SLC25A21: variants seen among roughly 807,000 people sequenced by gnomAD.
SLC25A21 encodes mitochondrial 2-oxodicarboxylate carrier.
A neutral mutation model predicts 43.8 loss-of-function variants in SLC25A21; 47 were observed. The ratio of observed to expected loss-of-function variants is 1.07; its 90% CI spans 0.85 to 1.37. The LOEUF (loss-of-function observed/expected upper bound fraction) is 1.37, where lower values mean the gene tolerates loss of function less well. Among genes scored for constraint, SLC25A21 ranks in the 40% most tolerant of loss-of-function variants. The probability of loss-of-function intolerance (pLI) is 0.00; values close to 1 mark genes in which losing one functional copy is unlikely to be tolerated. For synonymous variants in SLC25A21, 131 were observed against 121.3 expected, an observed-to-expected ratio of 1.08 and a Z score of -0.52; for missense variants, 352 against 350.2, an observed-to-expected ratio of 1.00 and a Z score of -0.04.
At chr14:37,040,361 GA>G (rs1961432945) in intron 1 of SLC25A21, among the ~76,000 whole-genome samples, 1 of 36,998 alleles carries the variant, frequency 2.7e-5, no homozygotes, top group African/African-American at 5.4e-4. Context: ...AGGAAAGAAA[GA>G]GAGAGAGAGA....
intron 1 of SLC25A21, among the ~76,000 whole-genome samples, chr14:37,140,651 C>G (rs1367764128): frequency 1.3e-5 from 2 of 152,142 alleles, no homozygotes; most frequent in Admixed American, 6.6e-5. Context: ...TGCAGAAAAA[C>G]AGATACTGAA....
chr14:37,086,323 C>G (rs1393475656), intron 1 of SLC25A21, among the ~76,000 whole-genome samples: 2 of 152,140 alleles, frequency 1.3e-5, no homozygotes, highest in African/African-American at 4.8e-5. Context: ...ATGGTATAAA[C>G]TTGACCATAC....
chr14:37,168,731 A>G (rs1274186433), intron 1 of SLC25A21, among the ~76,000 whole-genome samples: 1 of 152,140 alleles, frequency 6.6e-6, no homozygotes, highest in East Asian at 1.9e-4. Context: ...CTAAAGAACA[A>G]CAACAACAAA....
At chr14:37,167,836 C>T (rs1245283118) in intron 1 of SLC25A21, among the ~76,000 whole-genome samples, 1 of 151,972 alleles carries the variant, frequency 6.6e-6, no homozygotes, top group Non-Finnish European at 1.5e-5. Context: ...ACAGCTTCGA[C>T]TCCCTATGAT....
At chr14:36,714,086 C>G (rs58645092) in intron 6 of SLC25A21, among the ~76,000 whole-genome samples, 5 of 152,184 alleles carry the variant, frequency 3.3e-5, no homozygotes, top group Admixed American at 2.0e-4. Context: ...ACTTAGTCCA[C>G]TGTAAACAAC....
At chr14:36,863,152 G>T (rs1422139900) in intron 2 of SLC25A21, among the ~76,000 whole-genome samples, 2 of 152,104 alleles carry the variant, frequency 1.3e-5, no homozygotes, top group Non-Finnish European at 1.5e-5. Context: ...TTAAAAAAGA[G>T]AAAAAATGAT....
intron 7 of SLC25A21, among the ~76,000 whole-genome samples, chr14:36,693,931 A>G: frequency 6.6e-6 from 1 of 152,196 alleles, no homozygotes; most frequent in East Asian, 1.9e-4. Flanking sequence ...TTATTATTAT[A>G]CTTTAAGTTC....
chr14:37,097,195 G>C (rs934842989), intron 1 of SLC25A21: 1 of 152,032 alleles, frequency 6.6e-6, no homozygotes, highest in East Asian at 1.9e-4. Context: ...CCACCTCCTG[G>C]GTTCAAGAGA....
intron 2 of SLC25A21, among the ~76,000 whole-genome samples, chr14:36,854,086 T>C (rs1029874708): frequency 1.3e-5 from 2 of 152,260 alleles, no homozygotes; most frequent in African/African-American, 4.8e-5. Context: ...ACTTATTCAT[T>C]CAGTTACCAC....
At chr14:36,707,000 G>A (rs1883599889) in intron 7 of SLC25A21, among the ~76,000 whole-genome samples, 1 of 152,142 alleles carries the variant, frequency 6.6e-6, no homozygotes, top group African/African-American at 2.4e-5. Context: ...TGGCCTACAA[G>A]GGCCAGTATG....
chr14:37,070,427 A>G (rs990744031), intron 1 of SLC25A21, among the ~76,000 whole-genome samples: 5 of 152,210 alleles, frequency 3.3e-5, no homozygotes, highest in African/African-American at 1.2e-4. Context: ...CAAATGCCCT[A>G]AGTCCTAGTA....
At chr14:36,960,860 C>G (rs953517658) in intron 1 of SLC25A21, among the ~76,000 whole-genome samples, 1 of 152,198 alleles carries the variant, frequency 6.6e-6, no homozygotes, top group African/African-American at 2.4e-5. Flanking sequence ...AAACATGGTG[C>G]CACTCTCATT....
rs115451872 is a variant in SLC25A21, at chr14:36,862,794, T to C, written c.119+12162A>G. Among the ~76,000 whole-genome samples, 1,301 of 152,306 alleles carry C rather than the reference T, an allele frequency of 8.5e-3. 18 individuals carry two copies. Among genetic ancestry groups the C allele is most frequent in the African/African-American group, 0.029 (1,207 of 41,562 alleles). ...GAGATTATCTGAGAAAAGTTTATGA[T>C]GGCATAACACTTAGAAAAATATCCC... On this transcript the variant is annotated intron_variant, in intron 2 of 9. Coordinates refer to ENST00000331299, the MANE Select transcript of SLC25A21 (RefSeq NM_030631.4).
intron 1 of SLC25A21, among the ~76,000 whole-genome samples, chr14:37,165,548 AAT>A (rs1165412342): frequency 6.6e-6 from 1 of 152,056 alleles, no homozygotes; most frequent in African/African-American, 2.4e-5. Context: ...GACTTTGGGG[AAT>A]ATGAGTAAAA....
At chr14:36,783,502 G>A (rs1887146185) in intron 3 of SLC25A21, among the ~76,000 whole-genome samples, 1 of 152,022 alleles carries the variant, frequency 6.6e-6, no homozygotes, top group East Asian at 1.9e-4. Flanking sequence ...TATTCTGGTG[G>A]GGGGCAAGAA....
At chr14:37,075,933 C>T (rs1182697810) in intron 1 of SLC25A21, among the ~76,000 whole-genome samples, 2 of 152,204 alleles carry the variant, frequency 1.3e-5, no homozygotes, top group Admixed American at 6.5e-5. Context: ...CATTCATTAA[C>T]AGCTGGAAGA....
chr14:36,850,844 C>T (rs1384400911), intron 2 of SLC25A21, among the ~76,000 whole-genome samples: 2 of 152,078 alleles, frequency 1.3e-5, no homozygotes, highest in Non-Finnish European at 2.9e-5. Flanking sequence ...TCCGTCCAAC[C>T]CCATCATTCA....
chr14:36,892,399 G>A (rs1363112073), intron 1 of SLC25A21, among the ~76,000 whole-genome samples: 3 of 152,022 alleles, frequency 2.0e-5, no homozygotes, highest in Middle Eastern at 3.2e-3. Flanking sequence ...GTAGATGAAC[G>A]GATACAGGAA....
chr14:36,723,785 G>A (rs1884471391), intron 6 of SLC25A21, among the ~76,000 whole-genome samples: 1 of 152,222 alleles, frequency 6.6e-6, no homozygotes, highest in African/African-American at 2.4e-5. Flanking sequence ...GATAACTCAT[G>A]ACTTTCATTC....
Sources: allele counts gnomAD v4.1 joint callset (sites outside exome capture counted in the v4.1 genomes callset), GRCh38; gene constraint gnomAD v4.1.1; transcripts MANE v1.5; gene names NCBI Gene and HGNC (gene_info 2026-07-23, HGNC 2026-07-21).